Variants in EFCAB11 observed in about 807,000 individuals in gnomAD.
The protein encoded by EFCAB11 is EF-hand calcium binding domain 11, also known as EF-hand calcium-binding domain-containing protein 11.
EFCAB11 carries 14 observed loss-of-function variants against 23.0 expected under a neutral mutation model. The observed-to-expected ratio is 0.61, with a 90% CI of 0.40 to 0.95. The LOEUF is 0.95. Ranked by LOEUF, EFCAB11 falls within the 40% of genes least tolerant of loss-of-function variation. The pLI, the probability that EFCAB11 is intolerant of heterozygous loss-of-function variation, is 0.00. For synonymous variants in EFCAB11, 65 were observed against 66.6 expected (o/e 0.98, Z 0.11); for missense variants, 198 against 195.8 (o/e 1.01, Z -0.07).
At chr14:89,814,100 T>C (rs202092159) in intron 5 of EFCAB11, among the ~76,000 whole-genome samples, 1 of 140,890 alleles carries the variant, frequency 7.1e-6, no homozygotes, top group South Asian at 2.3e-4. Flanking sequence ...TTTTTTTTTT[T>C]CCACTTTGAA....
intron 3 of EFCAB11, among the ~76,000 whole-genome samples, chr14:89,934,337 C>CTAAA (rs1890503732): frequency 6.6e-6 from 1 of 152,124 alleles, no homozygotes; most frequent in South Asian, 2.1e-4. Flanking sequence ...ATTTTAGAAT[C>CTAAA]TAAATGACAT....
At position 89,797,303 on chromosome 14, in the gene EFCAB11, A is replaced by G. The variant is rs1485756456; in HGVS notation, c.432T>C (p.Asp144=). Residue 144 remains aspartate (D), a synonymous_variant, in exon 6 of 6, where the codon GAT becomes GAC. Transcript: ENST00000316738. Reference sequence around the variant, plus strand: ...CAAAGTCTCTAAAGCTGACGTGACCATCTGAATCTCGATCTACTTCCCTGG... The same window carrying G: ...CAAAGTCTCTAAAGCTGACGTGACCGTCTGAATCTCGATCTACTTCCCTGG... ...EVFREVDRDS[D]GHVSFRDFEY... 1 of 1,613,106 alleles carries G rather than the reference A, an allele frequency of 6.2e-7. No homozygotes were observed. Among genetic ancestry groups the G allele is most frequent in the South Asian group, 1.1e-5 (1 of 91,064 alleles).
chr14:89,840,260 A>C (rs1411405194), intron 5 of EFCAB11, among the ~76,000 whole-genome samples: 1 of 152,240 alleles, frequency 6.6e-6, no homozygotes, highest in African/African-American at 2.4e-5. Context: ...AGAGGGCTAT[A>C]AACTTGGAAT....
At chr14:89,812,146 G>A (rs1292064936) in intron 5 of EFCAB11, among the ~76,000 whole-genome samples, 1 of 151,912 alleles carries the variant, frequency 6.6e-6, no homozygotes, top group African/African-American at 2.4e-5. Context: ...CAATCCGTGG[G>A]GAAAAAGTGA....
chr14:89,876,013 A>G (rs996194380), intron 5 of EFCAB11, among the ~76,000 whole-genome samples: 2 of 152,190 alleles, frequency 1.3e-5, no homozygotes, highest in African/African-American at 4.8e-5. Context: ...AAAAGGGTTC[A>G]AAGACTGAAG....
intron 5 of EFCAB11, among the ~76,000 whole-genome samples, chr14:89,815,282 A>C (rs553531894): frequency 2.0e-5 from 3 of 152,330 alleles, no homozygotes; most frequent in South Asian, 2.1e-4. Context: ...AAATGTTGTC[A>C]TAAGTGTACA....
intron 5 of EFCAB11, among the ~76,000 whole-genome samples, chr14:89,855,107 C>T (rs971263683): frequency 1.3e-5 from 2 of 151,862 alleles, no homozygotes; most frequent in African/African-American, 2.4e-5. Flanking sequence ...CAGTGTCCCA[C>T]TTACAGAATG....
intron 5 of EFCAB11, among the ~76,000 whole-genome samples, chr14:89,855,333 G>T (rs377706596): frequency 3.3e-5 from 5 of 151,924 alleles, no homozygotes; most frequent in Admixed American, 2.6e-4. Context: ...AAAATTAGCT[G>T]GGCAGGGTGG....
intron 5 of EFCAB11, among the ~76,000 whole-genome samples, chr14:89,898,248 A>G (rs1336071533): frequency 2.0e-5 from 3 of 152,192 alleles, no homozygotes; most frequent in Non-Finnish European, 4.4e-5. Context: ...AGACTGTACC[A>G]CATGCTCTTT....
intron 3 of EFCAB11, among the ~76,000 whole-genome samples, chr14:89,939,787 GGAGTGCAGT>G (rs998948371): frequency 6.6e-6 from 1 of 152,206 alleles, no homozygotes; most frequent in African/African-American, 2.4e-5. Context: ...CGCCCAGGCT[GGAGTGCAGT>G]GGCGGGATCT....
chr14:89,846,238 G>C (rs1267396287), intron 5 of EFCAB11, among the ~76,000 whole-genome samples: 2 of 152,148 alleles, frequency 1.3e-5, no homozygotes, highest in Non-Finnish European at 2.9e-5. Flanking sequence ...ACATCCTCTG[G>C]AAGGAGAAGA....
chr14:89,848,366 C>A (rs563979681), intron 5 of EFCAB11: 1 of 152,282 alleles, frequency 6.6e-6, no homozygotes, highest in Non-Finnish European at 1.5e-5. Flanking sequence ...TCTCACTCAG[C>A]TACATCTAGT....
chr14:89,951,956 C>A (rs1034321562), intron 2 of EFCAB11, among the ~76,000 whole-genome samples: 4 of 152,072 alleles, frequency 2.6e-5, no homozygotes, highest in African/African-American at 7.2e-5. Flanking sequence ...ATGTAAAAAA[C>A]TGCATGAATG....
intron 5 of EFCAB11, among the ~76,000 whole-genome samples, chr14:89,887,364 A>G (rs982458419): frequency 6.6e-6 from 1 of 152,224 alleles, no homozygotes; most frequent in African/African-American, 2.4e-5. Flanking sequence ...AACTAGATAC[A>G]CATGATCACA....
chr14:89,872,782 G>GAC (rs141688592), intron 5 of EFCAB11, among the ~76,000 whole-genome samples: 2,061 of 149,606 alleles, frequency 0.014, 25 homozygotes, highest in Non-Finnish European at 0.015. Context: ...AAGAGATTAG[G>GAC]ACACACACAC....
chr14:89,919,789 C>T (rs2139783915), intron 5 of EFCAB11, among the ~76,000 whole-genome samples: 1 of 152,270 alleles, frequency 6.6e-6, no homozygotes, highest in South Asian at 2.1e-4. Flanking sequence ...AGAGCGAGTG[C>T]AGGAACTACG....
intron 5 of EFCAB11, among the ~76,000 whole-genome samples, chr14:89,804,809 C>T (rs1885915020): frequency 6.6e-6 from 1 of 151,990 alleles, no homozygotes; most frequent in South Asian, 2.1e-4. Context: ...TTTGAAGTTC[C>T]AAGCAATTAA....
At chr14:89,823,864 A>C (rs1490108342) in intron 5 of EFCAB11, among the ~76,000 whole-genome samples, 1 of 152,228 alleles carries the variant, frequency 6.6e-6, no homozygotes, top group Non-Finnish European at 1.5e-5. Flanking sequence ...ATGTAAAGAC[A>C]CAGAAATAGA....
intron 5 of EFCAB11, among the ~76,000 whole-genome samples, chr14:89,906,217 A>AAATT (rs527834276): frequency 1.5e-4 from 22 of 147,408 alleles, no homozygotes; most frequent in African/African-American, 4.8e-4. Flanking sequence ...ATAAATAAAT[A>AAATT]AATTAAAGGT....
Sources: allele counts gnomAD v4.1 joint callset (sites outside exome capture counted in the v4.1 genomes callset), GRCh38; gene constraint gnomAD v4.1.1; transcripts MANE v1.5; gene names NCBI Gene and HGNC (gene_info 2026-07-23, HGNC 2026-07-21).